TOMT: variants seen among roughly 807,000 people sequenced by gnomAD.
The protein encoded by TOMT is transmembrane O-methyltransferase.
TOMT carries 23 observed loss-of-function variants against 21.7 expected under a neutral mutation model. That is an observed-to-expected ratio of 1.06 (90% CI 0.76 to 1.50). The LOEUF (loss-of-function observed/expected upper bound fraction) is 1.50, where lower values mean the gene tolerates loss of function less well. TOMT is among the 40% of genes most tolerant of loss of function. The pLI is 0.00. For missense variants in TOMT, 331 were observed against 348.7 expected (o/e 0.95, Z 0.41); for synonymous variants, 132 against 150.8 (o/e 0.88, Z 0.91).
intron 1 of TOMT, chr11:72,106,672 G>A (rs1945717347): frequency 6.5e-6 from 1 of 153,176 alleles, no homozygotes. Flanking sequence ...GCTGTGTGGT[G>A]GCTGGTGCCT....
At chr11:72,109,110 C>T in exon 3 of TOMT, 1 of 603,166 alleles carries the variant, frequency 1.7e-6, no homozygotes, top group Non-Finnish European at 2.9e-6. Flanking sequence ...TTCTATCAGG[C>T]TGCTTGGTCT....
chr11:72,108,787 C>T (rs375590805), exon 3 of TOMT: 163 of 1,550,434 alleles, frequency 1.1e-4, no homozygotes, highest in Non-Finnish European at 1.4e-4. Flanking sequence ...ACCATGTGCT[C>T]TTCCCTGGTG....
rs886048633 is a variant in TOMT at position 72,108,829 on chromosome 11, T to G, written c.681T>G (p.Cys227Trp). 12 of 1,550,634 alleles carry G rather than the reference T, an allele frequency of 7.7e-6. No homozygotes were observed. The highest frequency in any genetic ancestry group is 3.9e-5 in the Admixed American group (2 of 50,984). ...GCTTCTTGCAGTATGCTAAGAGCTG[T>G]GGCCGCTACCGCTGCCGCCTCCACC... The change falls in exon 3 of 3, where the codon TGT becomes TGG. Residue 227 changes from cysteine to tryptophan, a missense_variant. Transcript: ENST00000541899.
intron 1 of TOMT, chr11:72,107,211 G>T: frequency 1.8e-6 from 1 of 546,798 alleles, no homozygotes; most frequent in South Asian, 2.3e-5. Flanking sequence ...AGGCTGCAGT[G>T]AGCCGTGATC....
At chr11:72,106,074 A>C in exon 1 of TOMT, 1 of 1,550,342 alleles carries the variant, frequency 6.5e-7, no homozygotes, top group Non-Finnish European at 8.7e-7. Flanking sequence ...ACTGCCTGTC[A>C]GGGCTGCGGA....
exon 2 of TOMT, chr11:72,107,967 G>A (rs1188631490): frequency 6.4e-7 from 1 of 1,551,606 alleles, no homozygotes; most frequent in East Asian, 2.4e-5. Context: ...CCCTGCTTGT[G>A]TGCTGGAATT....
chr11:72,108,013 C>T, exon 2 of TOMT: 1 of 1,551,688 alleles, frequency 6.4e-7, no homozygotes, highest in African/African-American at 1.4e-5. Flanking sequence ...CTGCTTATTG[C>T]CCGAGCCCTG....
chr11:72,106,034 T>C lies in TOMT; in HGVS notation c.83T>C (p.Val28Ala), dbSNP rs1157809674. The C allele has an allele frequency of 3.2e-6, 5 of 1,551,054 alleles. No homozygotes were observed. The African/African-American group carries it at 5.5e-5, about 17-fold the overall frequency. Residue 28 changes from valine to alanine, a missense_variant, in exon 1 of 3, where the codon GTG becomes GCG. Coordinates refer to ENST00000541899, the Ensembl canonical transcript of TOMT. ...TACCGGCACTACTTCCGATTGCTGG[T>C]GCGCACGGTCTTGCTGCGAAGCCTC...
downstream of TOMT, chr11:72,109,573 G>A (rs765695814): frequency 1.6e-5 from 8 of 495,226 alleles, no homozygotes; most frequent in Admixed American, 9.8e-5. Flanking sequence ...CAACAAATAG[G>A]GAATAGACAT....
intron 1 of TOMT, chr11:72,107,447 C>G (rs1197002316): frequency 2.8e-6 from 2 of 702,702 alleles, no homozygotes; most frequent in Admixed American, 2.0e-5. Context: ...TCTGGAAGTT[C>G]TGAGTTGGCC....
chr11:72,108,277 C>T (rs1323614840), intron 2 of TOMT, among the ~76,000 whole-genome samples, 158 bp downstream of exon 2: 2 of 152,190 alleles, frequency 1.3e-5, no homozygotes, highest in Non-Finnish European at 2.9e-5. Flanking sequence ...TGTCCCAAGT[C>T]ATCTGCACAT....
At chr11:72,106,079 T>C in exon 1 of TOMT, 1 of 1,550,306 alleles carries the variant, frequency 6.5e-7, no homozygotes, top group Non-Finnish European at 8.7e-7. Flanking sequence ...CTGTCAGGGC[T>C]GCGGATCGAG....
chr11:72,107,613 G>T (rs550045466), intron 1 of TOMT: 1 of 673,948 alleles, frequency 1.5e-6, no homozygotes, highest in East Asian at 2.7e-5. Context: ...AACCTGGAAA[G>T]GTAGGATAGG....
At chr11:72,108,726 A>G in exon 3 of TOMT, 1 of 1,550,294 alleles carries the variant, frequency 6.5e-7, no homozygotes, top group Non-Finnish European at 8.7e-7. Context: ...AGGGACCTGC[A>G]GCTGCTGGAG....
At chr11:72,106,940 CAA>C (rs34155157) in intron 1 of TOMT, 129 of 82,442 alleles carry the variant, frequency 1.6e-3, no homozygotes, top group South Asian at 5.8e-3. Context: ...GAACCTGTCT[CAA>C]AAAAAAAAAA....
chr11:72,109,346 G>C (rs1210049892), downstream of TOMT: 1 of 465,230 alleles, frequency 2.1e-6, no homozygotes, highest in East Asian at 6.8e-5. Flanking sequence ...GCCATTCTGG[G>C]TGGGATCAGA....
In TOMT at chr11:72,106,056, C is replaced by T. The variant is rs890009722; in HGVS notation, c.105C>T (p.Ser35=). The change falls in exon 1 of 3, where the codon AGC becomes AGT. Residue 35 remains serine, a synonymous_variant. Coordinates refer to ENST00000541899, the Ensembl canonical transcript of TOMT. Reference sequence around the variant, plus strand: ...TGGTGCGCACGGTCTTGCTGCGAAGCCTCCGAGACTGCCTGTCAGGGCTGC... The same window carrying T: ...TGGTGCGCACGGTCTTGCTGCGAAGTCTCCGAGACTGCCTGTCAGGGCTGC... The T allele has an allele frequency of 1.3e-6, 2 of 1,550,764 alleles. No individual in the cohort carries two copies. The highest frequency in any genetic ancestry group is 1.4e-5 in the African/African-American group (1 of 73,056).
At chr11:72,106,462 C>G (rs1412403708) in intron 1 of TOMT, 3 of 391,746 alleles carry the variant, frequency 7.7e-6, no homozygotes, top group Non-Finnish European at 1.4e-5. Context: ...GATGAATGAG[C>G]CACAAATGCT....
intron 1 of TOMT, 116 bp downstream of exon 1, chr11:72,106,326 G>A (rs1945690842): frequency 8.6e-7 from 1 of 1,157,656 alleles, no homozygotes; most frequent in African/African-American, 1.6e-5. Context: ...CTCTTTTAGG[G>A]CCTCTTTTTT....
Sources: gnomAD v4.1 joint callset for allele counts (sites outside exome capture counted in the v4.1 genomes callset) on GRCh38, gnomAD v4.1.1 for gene constraint, MANE v1.5 for transcripts, NCBI Gene and HGNC (gene_info 2026-07-23, HGNC 2026-07-21) for gene names.